Variants in PPFIBP1 observed in about 807,000 individuals in gnomAD.
The protein encoded by PPFIBP1 is PPFIB scaffold protein 1.
Under a neutral mutation model 137.8 loss-of-function variants are expected in PPFIBP1, and 112 were observed. The ratio of observed to expected loss-of-function variants is 0.81; its 90% CI spans 0.70 to 0.95. The LOEUF is 0.95. Ranked by LOEUF, PPFIBP1 falls within the 40% of genes least tolerant of loss-of-function variation. The pLI is 0.00. For missense variants in PPFIBP1, 1,083 were observed against 1,196.6 expected, an observed-to-expected ratio of 0.91 and a Z score of 1.40; for synonymous variants, 378 against 417.3, an observed-to-expected ratio of 0.91 and a Z score of 1.15.
intron 1 of PPFIBP1, among the ~76,000 whole-genome samples, chr12:27,559,585 T>C (rs1358383325): frequency 6.6e-6 from 1 of 152,192 alleles, no homozygotes; most frequent in Non-Finnish European, 1.5e-5. Flanking sequence ...AACTAGAAGA[T>C]TTTCTCTTGT....
At chr12:27,690,717 T>C (rs2061484160) in intron 27 of PPFIBP1, among the ~76,000 whole-genome samples, 1 of 152,192 alleles carries the variant, frequency 6.6e-6, no homozygotes. Context: ...AGTTGTTCTG[T>C]TTTTATAAAT....
intron 2 of PPFIBP1, among the ~76,000 whole-genome samples, chr12:27,593,238 T>G (rs181585916): frequency 1.3e-5 from 2 of 150,830 alleles, no homozygotes; most frequent in Admixed American, 6.6e-5. Flanking sequence ...TCAGCATTCC[T>G]CAGTCTTTTC....
intron 1 of PPFIBP1, among the ~76,000 whole-genome samples, chr12:27,576,594 T>C (rs1353332961): frequency 6.6e-6 from 1 of 152,212 alleles, no homozygotes; most frequent in Non-Finnish European, 1.5e-5. Context: ...AGACCCGGAC[T>C]GACCTCTGCC....
chr12:27,590,177 T>A (rs1174701867), intron 2 of PPFIBP1, among the ~76,000 whole-genome samples: 11 of 138,878 alleles, frequency 7.9e-5, no homozygotes, highest in Non-Finnish European at 1.3e-4. Context: ...TAGGATTTTG[T>A]TTTTTTTGTT....
chr12:27,691,144 T>C (rs988440278), intron 27 of PPFIBP1, among the ~76,000 whole-genome samples: 1 of 141,068 alleles, frequency 7.1e-6, no homozygotes, highest in African/African-American at 2.7e-5. Context: ...GGAAGCAGAA[T>C]AGGCATACAA....
intron 1 of PPFIBP1, among the ~76,000 whole-genome samples, chr12:27,573,241 T>G (rs2050284196): frequency 6.6e-6 from 1 of 152,182 alleles, no homozygotes. Context: ...ATTTAAACAG[T>G]GAACATTAAT....
chr12:27,691,657 G>A, intron 27 of PPFIBP1, 92 bp from the exon 28 acceptor site: 3 of 918,312 alleles, frequency 3.3e-6, no homozygotes, highest in Non-Finnish European at 5.0e-6. Context: ...GGAGGGAGGG[G>A]GCAACGCAAA....
intron 2 of PPFIBP1, among the ~76,000 whole-genome samples, chr12:27,605,054 C>T (rs953379379): frequency 6.6e-6 from 1 of 152,250 alleles, no homozygotes; most frequent in Admixed American, 6.5e-5. Flanking sequence ...TCCCACAACA[C>T]ATGGGAATTG....
At position 27,577,571 on chromosome 12, in the gene PPFIBP1, C is replaced by A. The variant is rs151318617; in HGVS notation, c.-123-581C>A. ...TTTAGTACCAAAATATATTTTATTA[C>A]TGTATCATGGTGAGGATATATGTTC... On this transcript the variant is annotated intron_variant, in intron 1 of 29. Transcript: ENST00000228425. 2.7e-3 allele frequency among the ~76,000 whole-genome samples: 405 copies of A among 152,256 alleles called. 1 individual carries two copies. The highest frequency in any genetic ancestry group is 9.0e-3 in the African/African-American group (373 of 41,550).
At chr12:27,627,392 T>C (rs895551728) in intron 2 of PPFIBP1, among the ~76,000 whole-genome samples, 1 of 152,220 alleles carries the variant, frequency 6.6e-6, no homozygotes, top group Non-Finnish European at 1.5e-5. Flanking sequence ...TGTGGCGTTC[T>C]ACCAGCATAG....
intron 4 of PPFIBP1, among the ~76,000 whole-genome samples, chr12:27,641,889 G>T (rs2058130007): frequency 6.6e-6 from 1 of 151,842 alleles, no homozygotes; most frequent in Non-Finnish European, 1.5e-5. Context: ...ACCCCCTTTG[G>T]GTCCCCTCCC....
chr12:27,625,004 C>A (rs2098926605), intron 2 of PPFIBP1, among the ~76,000 whole-genome samples: 1 of 152,154 alleles, frequency 6.6e-6, no homozygotes, highest in South Asian at 2.1e-4. Flanking sequence ...GGTGCAGTGG[C>A]TCACACCTCT....
At chr12:27,573,832 T>C (rs1384885536) in intron 1 of PPFIBP1, among the ~76,000 whole-genome samples, 1 of 151,742 alleles carries the variant, frequency 6.6e-6, no homozygotes, top group African/African-American at 2.4e-5. Flanking sequence ...AAAAATAAAA[T>C]AATAAACTAG....
intron 7 of PPFIBP1, 146 bp from the exon 8 acceptor site, chr12:27,654,576 C>G: frequency 1.0e-6 from 1 of 1,003,026 alleles, no homozygotes; most frequent in Non-Finnish European, 1.3e-6. Flanking sequence ...TAAGGAGGTA[C>G]ATTTATTTCC....
intron 2 of PPFIBP1, among the ~76,000 whole-genome samples, chr12:27,616,100 C>A (rs1013181831): frequency 6.6e-6 from 1 of 151,956 alleles, no homozygotes; most frequent in East Asian, 1.9e-4. Context: ...GTTCTCAATT[C>A]TTTTCCCTCT....
intron 2 of PPFIBP1, chr12:27,593,952 A>C: frequency 6.9e-7 from 1 of 1,459,802 alleles, no homozygotes; most frequent in Non-Finnish European, 9.0e-7. Flanking sequence ...GTGTCCTCAC[A>C]GGGGAAATAG....
intron 2 of PPFIBP1, among the ~76,000 whole-genome samples, chr12:27,600,436 C>CAA (rs35671015): frequency 1.5e-4 from 16 of 105,864 alleles, no homozygotes; most frequent in Admixed American, 1.0e-3. Flanking sequence ...AACTCCGTCT[C>CAA]AAAAAAAAAA....
chr12:27,598,538 CTGTGTGTGTGTGTGTGTGTGTG>C (rs71039825), intron 2 of PPFIBP1, among the ~76,000 whole-genome samples: 3 of 150,724 alleles, frequency 2.0e-5, no homozygotes, highest in Non-Finnish European at 3.0e-5. Flanking sequence ...TCTCTATAAT[CTGTGTGTGTGTGTGTGTGTGTG>C]TGTGTGTGTG....
chr12:27,669,196 T>A (rs1203109783), intron 13 of PPFIBP1, among the ~76,000 whole-genome samples: 1 of 152,104 alleles, frequency 6.6e-6, no homozygotes, highest in Non-Finnish European at 1.5e-5. Context: ...GCAATGAAAA[T>A]GAATTCAAGA....
Sources: gnomAD v4.1 joint callset for allele counts (sites outside exome capture counted in the v4.1 genomes callset) on GRCh38, gnomAD v4.1.1 for gene constraint, MANE v1.5 for transcripts, NCBI Gene and HGNC (gene_info 2026-07-23, HGNC 2026-07-21) for gene names.